Variants in FSHR observed in about 807,000 individuals in gnomAD.
FSHR encodes follicle stimulating hormone receptor, also known as follicle-stimulating hormone receptor.
Under a neutral mutation model 52.1 loss-of-function variants are expected in FSHR, and 46 were observed. The ratio of observed to expected loss-of-function variants is 0.88; its 90% confidence interval spans 0.70 to 1.13. The LOEUF (loss-of-function observed/expected upper bound fraction) is 1.13, where lower values mean the gene tolerates loss of function less well. Ranked by LOEUF, FSHR falls within the 50% of genes most tolerant of loss-of-function variation. The pLI is 0.00. For synonymous variants in FSHR, 399 were observed against 309.6 expected (o/e 1.29, Z -3.03); for missense variants, 964 against 834.6 (o/e 1.16, Z -1.91).
In FSHR at chr2:49,087,070, G is replaced by GA. The variant is rs60949511; in HGVS notation, c.153-18781_153-18780insT. Reference sequence around the variant, plus strand: ...GTAGTTGAGGGACCCTGTGGGCAGGGTTTTTTTTTTTTTTTTTTTTTTTTT... The same window carrying GA: ...GTAGTTGAGGGACCCTGTGGGCAGGGATTTTTTTTTTTTTTTTTTTTTTTTT... On this transcript the variant is annotated intron_variant, in intron 1 of 9. Transcript: ENST00000406846. Among the ~76,000 whole-genome samples, 21 of 86,732 alleles carry GA rather than the reference G, an allele frequency of 2.4e-4. 2 individuals are homozygous for GA. Among genetic ancestry groups the GA allele is most frequent in the African/African-American group, 7.7e-4 (18 of 23,380 alleles). The allele number at this position is 86,732 out of a possible 152,430, so 56.9% of individuals were successfully genotyped here. A position where few individuals can be genotyped will look rare whatever the true frequency, so the allele number is the denominator to read the frequency against.
intron 1 of FSHR, among the ~76,000 whole-genome samples, chr2:49,144,411 G>C (rs1255500379): frequency 6.6e-6 from 1 of 151,968 alleles, no homozygotes; most frequent in Non-Finnish European, 1.5e-5. Flanking sequence ...CTTATTTCTA[G>C]TATTTGTTTG....
At chr2:49,127,898 C>CTTCTTCTTCTTCTTCTT (rs1558457105) in intron 1 of FSHR, among the ~76,000 whole-genome samples, 2 of 27,258 alleles carry the variant, frequency 7.3e-5, no homozygotes, top group African/African-American at 3.6e-4. Context: ...TCTTCTTCTT[C>CTTCTTCTTCTTCTTCTT]TTTTTTTTTT....
intron 1 of FSHR, among the ~76,000 whole-genome samples, chr2:49,097,909 G>A (rs940248972): frequency 6.6e-6 from 1 of 151,802 alleles, no homozygotes; most frequent in Admixed American, 6.6e-5. Context: ...TTGCACACAT[G>A]GATTTTTATC....
At chr2:49,113,000 T>A (rs1417971546) in intron 1 of FSHR, among the ~76,000 whole-genome samples, 2 of 151,924 alleles carry the variant, frequency 1.3e-5, no homozygotes, top group East Asian at 1.9e-4. Context: ...AAAGCCTCCA[T>A]GAGTGTGGAA....
intron 4 of FSHR, among the ~76,000 whole-genome samples, chr2:48,991,080 G>T (rs574105987): frequency 6.6e-6 from 1 of 152,074 alleles, no homozygotes; most frequent in South Asian, 2.1e-4. Context: ...GTATGTATGT[G>T]ACCTAAGCTG....
At chr2:49,091,703 A>C (rs575655882) in intron 1 of FSHR, among the ~76,000 whole-genome samples, 1 of 152,292 alleles carries the variant, frequency 6.6e-6, no homozygotes, top group African/African-American at 2.4e-5. Context: ...ATTAGCTATA[A>C]TTTTGTGGGT....
intron 2 of FSHR, among the ~76,000 whole-genome samples, chr2:49,036,669 C>T (rs1441496445): frequency 6.6e-6 from 1 of 152,014 alleles, no homozygotes; most frequent in African/African-American, 2.4e-5. Flanking sequence ...ATCAGGCAGC[C>T]CCAGTTTGTC....
At chr2:49,008,016 A>T (rs562924905) in intron 4 of FSHR, among the ~76,000 whole-genome samples, 429 of 151,878 alleles carry the variant, frequency 2.8e-3, no homozygotes, top group African/African-American at 9.9e-3. Flanking sequence ...TCTTTTTTTT[A>T]AATTTTTTTT....
chr2:49,020,395 T>C (rs900990835), intron 2 of FSHR, among the ~76,000 whole-genome samples: 1 of 152,146 alleles, frequency 6.6e-6, no homozygotes, highest in Admixed American at 6.5e-5. Flanking sequence ...GATTATCCAG[T>C]CTATAGTTGT....
At chr2:49,002,217 C>T (rs551767463) in intron 4 of FSHR, among the ~76,000 whole-genome samples, 10 of 152,258 alleles carry the variant, frequency 6.6e-5, no homozygotes, top group South Asian at 2.1e-4. Flanking sequence ...GCCCGTATCA[C>T]CCAGCAATAC....
At chr2:49,038,624 C>CAAA (rs71401003) in intron 2 of FSHR, among the ~76,000 whole-genome samples, 8,758 of 65,292 alleles carry the variant, frequency 0.13, 1,044 homozygotes, top group East Asian at 0.27. Context: ...GACTCTGTCT[C>CAAA]AAAATAATAA....
chr2:49,038,347 C>A (rs531994965), intron 2 of FSHR, among the ~76,000 whole-genome samples: 1 of 152,158 alleles, frequency 6.6e-6, no homozygotes, highest in East Asian at 1.9e-4. Flanking sequence ...TTTGGCTGTG[C>A]GCAGTGGCTC....
intron 1 of FSHR, among the ~76,000 whole-genome samples, chr2:49,152,158 A>T (rs1395732715): frequency 1.3e-5 from 2 of 152,162 alleles, no homozygotes; most frequent in Non-Finnish European, 2.9e-5. Context: ...AACACCTGGC[A>T]GGAACTTTCT....
intron 1 of FSHR, among the ~76,000 whole-genome samples, chr2:49,148,026 T>C (rs566826504): frequency 1.3e-4 from 20 of 152,076 alleles, no homozygotes; most frequent in African/African-American, 4.6e-4. Flanking sequence ...CTGAGGAATA[T>C]AGAAAACTTA....
At chr2:49,020,436 G>C (rs1667646368) in intron 2 of FSHR, among the ~76,000 whole-genome samples, 1 of 152,050 alleles carries the variant, frequency 6.6e-6, no homozygotes, top group Admixed American at 6.6e-5. Context: ...GAAGAGATTT[G>C]CTTAAAGATA....
At chr2:49,080,976 A>G (rs1234401843) in intron 1 of FSHR, among the ~76,000 whole-genome samples, 1 of 152,192 alleles carries the variant, frequency 6.6e-6, no homozygotes, top group Non-Finnish European at 1.5e-5. Flanking sequence ...AAACTAGCCA[A>G]TCTTAAGCTG....
chr2:49,123,134 C>T (rs949334003), intron 1 of FSHR, among the ~76,000 whole-genome samples: 2 of 152,130 alleles, frequency 1.3e-5, no homozygotes, highest in African/African-American at 4.8e-5. Context: ...GTCTATTTTC[C>T]CTATCAGGTC....
At chr2:49,080,348 C>G (rs1265004051) in intron 1 of FSHR, among the ~76,000 whole-genome samples, 1 of 152,154 alleles carries the variant, frequency 6.6e-6, no homozygotes, top group Non-Finnish European at 1.5e-5. Context: ...ATTCCATGTC[C>G]TTCTCTCTGC....
chr2:49,005,851 G>A (rs1573080680), intron 4 of FSHR, among the ~76,000 whole-genome samples: 1 of 152,126 alleles, frequency 6.6e-6, no homozygotes, highest in African/African-American at 2.4e-5. Flanking sequence ...CTGATCTTGG[G>A]TGTGTTTGAA....
Sources: gnomAD v4.1 joint callset for allele counts (sites outside exome capture counted in the v4.1 genomes callset) on GRCh38, gnomAD v4.1.1 for gene constraint, MANE v1.5 for transcripts, NCBI Gene and HGNC (gene_info 2026-07-23, HGNC 2026-07-21) for gene names.